The following ZFPM2 variants were observed in gnomAD, a reference collection of about 807,000 sequenced individuals.
ZFPM2 encodes zinc finger protein, FOG family member 2.
A neutral mutation model predicts 98.6 loss-of-function variants in ZFPM2; 20 were observed. The observed-to-expected ratio is 0.20, with a 90% CI of 0.14 to 0.29. ZFPM2 has a LOEUF of 0.29. Among genes scored for constraint, ZFPM2 ranks in the 10% least tolerant of loss-of-function variants. The probability of loss-of-function intolerance (pLI) is 1.00; values close to 1 mark genes in which losing one functional copy is unlikely to be tolerated. For synonymous variants in ZFPM2, 518 were observed against 502.7 expected (o/e 1.03, Z -0.41); for missense variants, 1,310 against 1,388.6 (o/e 0.94, Z 0.90).
intron 3 of ZFPM2, among the ~76,000 whole-genome samples, chr8:105,558,739 T>A (rs1815057303): frequency 1.3e-5 from 2 of 151,940 alleles, no homozygotes; most frequent in African/African-American, 4.8e-5. Context: ...TTCTCATGAT[T>A]CCTCTGGTAT....
Position 105,429,445 on chromosome 8 carries a change from A to AATATAT in ZFPM2, c.199+10158_199+10163dup, listed in dbSNP as rs142230291. 6.4e-3 allele frequency among the ~76,000 whole-genome samples: 880 copies of AATATAT among 138,390 alleles called. 68 individuals carry two copies. Among genetic ancestry groups the AATATAT allele is most frequent in the African/African-American group, 0.025 (812 of 32,044 alleles). The allele number at this position is 138,390 out of a possible 152,430, so 90.8% of individuals were successfully genotyped here. On this transcript the variant is annotated intron_variant, in intron 2 of 7. Transcript: ENST00000407775. ...AAAACGTGCACAAGTTAGACAAGGA[A>AATATAT]ATATATATATATATATATATGGAAA...
At chr8:105,624,731 T>G (rs1176023288) in intron 4 of ZFPM2, among the ~76,000 whole-genome samples, 1 of 152,164 alleles carries the variant, frequency 6.6e-6, no homozygotes, top group Non-Finnish European at 1.5e-5. Flanking sequence ...CTTCTTATGC[T>G]GAAATTCCTA....
chr8:105,380,931 A>G (rs1317506283), intron 1 of ZFPM2, among the ~76,000 whole-genome samples: 1 of 108,492 alleles, frequency 9.2e-6, no homozygotes, highest in Non-Finnish European at 1.8e-5. Flanking sequence ...ATATTATAAT[A>G]TATATATTAT....
At chr8:105,754,745 A>G (rs964102660) in intron 5 of ZFPM2, among the ~76,000 whole-genome samples, 9 of 151,148 alleles carry the variant, frequency 6.0e-5, no homozygotes, top group African/African-American at 1.9e-4. Flanking sequence ...TAACACAGAT[A>G]TGTCTGAGGG....
chr8:105,741,731 A>G (rs1301975198), intron 5 of ZFPM2, among the ~76,000 whole-genome samples: 1 of 149,976 alleles, frequency 6.7e-6, no homozygotes, highest in Admixed American at 6.6e-5. Flanking sequence ...GGAAAACAAT[A>G]CTGAACCATT....
At chr8:105,684,107 A>T (rs1810678362) in intron 5 of ZFPM2, among the ~76,000 whole-genome samples, 1 of 152,148 alleles carries the variant, frequency 6.6e-6, no homozygotes, top group Non-Finnish European at 1.5e-5. Flanking sequence ...CCTCTTATTT[A>T]CACTCAGGGA....
intron 4 of ZFPM2, among the ~76,000 whole-genome samples, chr8:105,624,989 G>T (rs971771885): frequency 2.6e-5 from 4 of 152,130 alleles, no homozygotes; most frequent in Non-Finnish European, 5.9e-5. Context: ...TTTGTTAGCA[G>T]AAGTTCTCTG....
intron 4 of ZFPM2, among the ~76,000 whole-genome samples, chr8:105,580,564 A>G (rs1474744953): frequency 6.6e-6 from 1 of 152,114 alleles, no homozygotes; most frequent in Non-Finnish European, 1.5e-5. Flanking sequence ...GACAAGATAC[A>G]AAGTGTAAAA....
chr8:105,384,087 G>C (rs1810938758), intron 1 of ZFPM2, among the ~76,000 whole-genome samples: 1 of 152,104 alleles, frequency 6.6e-6, no homozygotes, highest in African/African-American at 2.4e-5. Context: ...TATTAGACCA[G>C]TGTTAGCTCA....
chr8:105,750,273 C>T (rs963558030), intron 5 of ZFPM2, among the ~76,000 whole-genome samples: 6 of 151,950 alleles, frequency 3.9e-5, no homozygotes, highest in Non-Finnish European at 8.8e-5. Flanking sequence ...GTCTTGGTTA[C>T]GTATCTATAC....
At chr8:105,413,590 T>G (rs879840271) in intron 1 of ZFPM2, among the ~76,000 whole-genome samples, 12 of 151,192 alleles carry the variant, frequency 7.9e-5, no homozygotes, top group Non-Finnish European at 1.6e-4. Flanking sequence ...GGAGGTTCCT[T>G]TTGTTTTATA....
intron 5 of ZFPM2, among the ~76,000 whole-genome samples, chr8:105,710,878 AT>A (rs1265280520): frequency 1.3e-5 from 2 of 152,082 alleles, no homozygotes; most frequent in African/African-American, 4.8e-5. Context: ...TCGTAAGGTC[AT>A]TATGAACATT....
chr8:105,475,920 A>C (rs569923606), intron 3 of ZFPM2, among the ~76,000 whole-genome samples: 2 of 152,232 alleles, frequency 1.3e-5, no homozygotes, highest in Non-Finnish European at 2.9e-5. Flanking sequence ...TGAGATGTAC[A>C]TCATAAATAT....
intron 5 of ZFPM2, among the ~76,000 whole-genome samples, chr8:105,732,320 G>A (rs1181678457): frequency 4.0e-5 from 6 of 151,746 alleles, no homozygotes; most frequent in Non-Finnish European, 5.9e-5. Context: ...AAAGCACCTT[G>A]GAGCCTCATC....
intron 5 of ZFPM2, among the ~76,000 whole-genome samples, chr8:105,739,074 CA>C (rs1194617878): frequency 1.3e-5 from 2 of 151,824 alleles, no homozygotes; most frequent in Non-Finnish European, 2.9e-5. Context: ...GGGAAGTAAG[CA>C]AAAAGAAATA....
At chr8:105,554,416 C>T (rs943795719) in intron 3 of ZFPM2, among the ~76,000 whole-genome samples, 1 of 152,136 alleles carries the variant, frequency 6.6e-6, no homozygotes, top group African/African-American at 2.4e-5. Context: ...CCTTGGCTGA[C>T]TTTGAAAATG....
intron 2 of ZFPM2, among the ~76,000 whole-genome samples, chr8:105,436,055 T>G (rs1305160015): frequency 2.0e-5 from 3 of 152,222 alleles, no homozygotes; most frequent in Non-Finnish European, 4.4e-5. Flanking sequence ...GATATTGCAG[T>G]AAGTTATGGT....
chr8:105,730,776 C>CTTTTTTTTTT (rs201573898), intron 5 of ZFPM2, among the ~76,000 whole-genome samples: 1 of 124,392 alleles, frequency 8.0e-6, no homozygotes, highest in Non-Finnish European at 1.7e-5. Flanking sequence ...TTTCTTTTTT[C>CTTTTTTTTTT]TTTTTTTTTT....
chr8:105,684,231 T>A (rs1810681914), intron 5 of ZFPM2, among the ~76,000 whole-genome samples: 1 of 152,174 alleles, frequency 6.6e-6, no homozygotes, highest in African/African-American at 2.4e-5. Context: ...TATTACTTAA[T>A]TTGTTATATA....
Sources: allele counts gnomAD v4.1 joint callset (sites outside exome capture counted in the v4.1 genomes callset), GRCh38; gene constraint gnomAD v4.1.1; transcripts MANE v1.5; gene names NCBI Gene and HGNC (gene_info 2026-07-23, HGNC 2026-07-21).